The following EGFR variants were observed in gnomAD, a reference collection of about 807,000 sequenced individuals.
The protein encoded by EGFR is avian erythroblastic leukemia viral (v-erb-b) oncogene homolog.
A neutral mutation model predicts 143.0 loss-of-function variants in EGFR; 58 were observed. The ratio of observed to expected loss-of-function variants is 0.41; its 90% confidence interval spans 0.33 to 0.50. EGFR has a LOEUF of 0.50. Among genes scored for constraint, EGFR ranks in the 20% least tolerant of loss-of-function variants. EGFR has a pLI of 0.39. For missense variants in EGFR, 1,307 were observed against 1,579.0 expected, an observed-to-expected ratio of 0.83 and a Z score of 2.92; for synonymous variants, 613 against 594.4, an observed-to-expected ratio of 1.03 and a Z score of -0.45.
At chr7:55,118,072 G>T (rs907643292) in intron 1 of EGFR, among the ~76,000 whole-genome samples, 11 of 152,218 alleles carry the variant, frequency 7.2e-5, no homozygotes, top group Non-Finnish European at 1.0e-4. Context: ...GGTTTTTAAA[G>T]TGCCCAGCAC....
At chr7:55,024,196 C>A (rs1024713736) in intron 1 of EGFR, among the ~76,000 whole-genome samples, 2 of 152,170 alleles carry the variant, frequency 1.3e-5, no homozygotes, top group Non-Finnish European at 2.9e-5. Context: ...GTTTACTGAG[C>A]CCCTAGAAAG....
rs567159496 is a variant in EGFR at position 55,154,008 on chromosome 7, T to C, written c.748-3T>C. 3.1e-6 allele frequency: 5 copies of C among 1,614,188 alleles called. No homozygotes were observed. Among genetic ancestry groups the C allele is most frequent in the South Asian group, 1.1e-5 (1 of 91,078 alleles). On this transcript the variant is annotated splice_region_variant and splice_polypyrimidine_tract_variant and intron_variant, in intron 6 of 27. Transcript: ENST00000275493. ...TGCCCAGCGTGTCCTCTCTCCTCCATAGGTCTGCCGCAAATTCCGAGACGA... is the reference window on the plus strand; with the variant it reads ...TGCCCAGCGTGTCCTCTCTCCTCCACAGGTCTGCCGCAAATTCCGAGACGA...
intron 1 of EGFR, among the ~76,000 whole-genome samples, chr7:55,020,101 G>A (rs1786452381): frequency 1.3e-5 from 2 of 152,344 alleles, no homozygotes; most frequent in South Asian, 4.1e-4. Flanking sequence ...GCTGGCGGCG[G>A]TTAGTTTCCT....
chr7:55,108,312 C>G (rs1269161209), intron 1 of EGFR, among the ~76,000 whole-genome samples: 1 of 152,236 alleles, frequency 6.6e-6, no homozygotes, highest in Non-Finnish European at 1.5e-5. Context: ...TGTTCACGCA[C>G]AGGGGCCGTA....
chr7:55,064,153 A>T (rs1562682740), intron 1 of EGFR, among the ~76,000 whole-genome samples: 1 of 152,234 alleles, frequency 6.6e-6, no homozygotes, highest in African/African-American at 2.4e-5. Context: ...AATTTTAATT[A>T]AAAAATACCT....
intron 1 of EGFR, among the ~76,000 whole-genome samples, chr7:55,134,547 A>G (rs1249392420): frequency 6.6e-6 from 1 of 152,272 alleles, no homozygotes; most frequent in Non-Finnish European, 1.5e-5. Flanking sequence ...GGCACACAGT[A>G]GGGACTCAAA....
In EGFR at chr7:55,208,895, A is replaced by T. The variant is rs1703465156; in HGVS notation, c.*3278A>T. On this transcript the variant is annotated 3_prime_UTR_variant, in exon 28 of 28. Coordinates refer to ENST00000275493, the MANE Select transcript of EGFR (RefSeq NM_005228.5). ...ATTTTCTCAGGTGCAGCCCAGCCGTAGGGCCTTTTCAGAGCACCCCCTGGT... is the reference window on the plus strand; with the variant it reads ...ATTTTCTCAGGTGCAGCCCAGCCGTTGGGCCTTTTCAGAGCACCCCCTGGT... 1 of 152,172 alleles carries T rather than the reference A, an allele frequency of 6.6e-6. No homozygotes were observed. 9.4% of individuals were successfully genotyped at this position (152,172 alleles called of 1,614,324 possible). A position where few individuals can be genotyped will look rare whatever the true frequency, so the allele number is the denominator to read the frequency against.
At chr7:55,095,715 C>T (rs1201476397) in intron 1 of EGFR, among the ~76,000 whole-genome samples, 2 of 24,086 alleles carry the variant, frequency 8.3e-5, no homozygotes, top group Non-Finnish European at 1.4e-4. Context: ...CACAGAGATA[C>T]ACACAGACAC....
intron 1 of EGFR, among the ~76,000 whole-genome samples, chr7:55,116,969 C>T (rs1382539752): frequency 6.6e-6 from 1 of 152,300 alleles, no homozygotes; most frequent in East Asian, 1.9e-4. Flanking sequence ...TCCCACGTGT[C>T]CCTGGTGAAC....
At chr7:55,076,828 C>G (rs1790159133) in intron 1 of EGFR, among the ~76,000 whole-genome samples, 1 of 152,106 alleles carries the variant, frequency 6.6e-6, no homozygotes, top group Admixed American at 6.5e-5. Flanking sequence ...ACCCGCTTAT[C>G]TATTTTCATA....
chr7:55,126,447 C>A (rs1003050960), intron 1 of EGFR, among the ~76,000 whole-genome samples: 2 of 152,226 alleles, frequency 1.3e-5, no homozygotes, highest in African/African-American at 4.8e-5. Context: ...TCCCACTTAA[C>A]AGACAAGGAC....
At chr7:55,144,171 G>A (rs1439712752) in intron 3 of EGFR, among the ~76,000 whole-genome samples, 3 of 152,264 alleles carry the variant, frequency 2.0e-5, no homozygotes, top group East Asian at 3.9e-4. Flanking sequence ...CTGTACAGAT[G>A]CCCCTTGACT....
At chr7:55,132,138 T>A (rs1245673443) in intron 1 of EGFR, among the ~76,000 whole-genome samples, 1 of 152,066 alleles carries the variant, frequency 6.6e-6, no homozygotes, top group African/African-American at 2.4e-5. Context: ...AATTCTGCAG[T>A]AGAGATTGAT....
rs369750429 is a variant in EGFR at position 55,038,364 on chromosome 7, C to T, written c.88+18999C>T. Among the ~76,000 whole-genome samples the T allele has an allele frequency of 3.9e-5, 6 of 152,076 alleles. No individual in the cohort carries two copies. The East Asian group carries it at 1.2e-3, about 29-fold the overall frequency. On this transcript the variant is annotated intron_variant, in intron 1 of 27. Coordinates refer to ENST00000275493, the MANE Select transcript of EGFR (RefSeq NM_005228.5). ...CTCACCCTGCCTGGAGCACGTGGCCCCTAAAACAGCGCAGCCTCCCAAAGA... is the reference window on the plus strand; with the variant it reads ...CTCACCCTGCCTGGAGCACGTGGCCTCTAAAACAGCGCAGCCTCCCAAAGA...
chr7:55,208,904 T>A lies in EGFR; in HGVS notation c.*3287T>A, dbSNP rs1366307765. On this transcript the variant is annotated 3_prime_UTR_variant, in exon 28 of 28. Coordinates refer to ENST00000275493, the MANE Select transcript of EGFR (RefSeq NM_005228.5). ...GGTGCAGCCCAGCCGTAGGGCCTTT[T>A]CAGAGCACCCCCTGGTTATTGCAAC... 1 of 152,128 alleles carries A rather than the reference T, an allele frequency of 6.6e-6. No homozygotes were observed. Among genetic ancestry groups the A allele is most frequent in the East Asian group, 1.9e-4 (1 of 5,166 alleles). 9.4% of individuals were successfully genotyped at this position (152,128 alleles called of 1,614,324 possible).
At chr7:55,149,377 A>G (rs1794918592) in intron 4 of EGFR, among the ~76,000 whole-genome samples, 1 of 152,100 alleles carries the variant, frequency 6.6e-6, no homozygotes, top group Non-Finnish European at 1.5e-5. Context: ...ACACACACAC[A>G]CGCACACATA....
chr7:55,069,735 T>A (rs957809605), intron 1 of EGFR, among the ~76,000 whole-genome samples: 4 of 152,214 alleles, frequency 2.6e-5, no homozygotes, highest in Non-Finnish European at 5.9e-5. Context: ...ACAGCAGGGC[T>A]GGTAGATGCA....
At chr7:55,203,545 C>T (rs1477201056) in intron 27 of EGFR, among the ~76,000 whole-genome samples, 2 of 132,536 alleles carry the variant, frequency 1.5e-5, no homozygotes, top group African/African-American at 5.9e-5. Flanking sequence ...ATACACCACA[C>T]ACACCACACA....
rs190066695 is a variant in EGFR at position 55,120,769 on chromosome 7, G to A, written c.89-21517G>A. On this transcript the variant is annotated intron_variant, in intron 1 of 27. Coordinates refer to ENST00000275493, the MANE Select transcript of EGFR (RefSeq NM_005228.5). ...TGGTTTGGAGTGGAGGGCATTCATCGGGCTGCATATTCCTATTTTTAATTG... is the reference window on the plus strand; with the variant it reads ...TGGTTTGGAGTGGAGGGCATTCATCAGGCTGCATATTCCTATTTTTAATTG... Among the ~76,000 whole-genome samples, 43 of 152,204 alleles carry A rather than the reference G, an allele frequency of 2.8e-4. No individual in the cohort carries two copies. In the East Asian group the frequency reaches 7.5e-3, roughly 27 times the overall value.
Sources: gnomAD v4.1 joint callset for allele counts (sites outside exome capture counted in the v4.1 genomes callset) on GRCh38, gnomAD v4.1.1 for gene constraint, MANE v1.5 for transcripts, NCBI Gene and HGNC (gene_info 2026-07-23, HGNC 2026-07-21) for gene names.